PHF20: variants seen among roughly 807,000 people sequenced by gnomAD.
The protein encoded by PHF20 is PHD finger protein 20.
In PHF20, 23 loss-of-function variants were observed where a neutral mutation model predicts 113.5. That is an observed-to-expected ratio of 0.20 (90% CI 0.15 to 0.29). The LOEUF is 0.29. Ranked by LOEUF, PHF20 falls within the 10% of genes least tolerant of loss-of-function variation. The pLI is 1.00. For missense variants in PHF20, 943 were observed against 1,219.6 expected, an observed-to-expected ratio of 0.77 and a Z score of 3.38; for synonymous variants, 434 against 457.3, an observed-to-expected ratio of 0.95 and a Z score of 0.65.
intron 13 of PHF20, among the ~76,000 whole-genome samples, chr20:35,924,192 C>CT (rs767943006): frequency 0.013 from 1,652 of 129,802 alleles, 14 homozygotes; most frequent in Middle Eastern, 0.021. Flanking sequence ...CTTTTCTTTT[C>CT]TTTTTTTTTT....
At chr20:35,928,605 C>T (rs963337001) in intron 14 of PHF20, 1 of 152,200 alleles carries the variant, frequency 6.6e-6, no homozygotes, top group African/African-American at 2.4e-5. Context: ...TGAGTGTCAT[C>T]CTTGTGTAGG....
intron 9 of PHF20, among the ~76,000 whole-genome samples, chr20:35,883,027 C>CAAAAAAAAAAAAA (rs971975145): frequency 1.6e-5 from 1 of 63,486 alleles, no homozygotes; most frequent in Non-Finnish European, 3.3e-5. Flanking sequence ...CACTCTGTCT[C>CAAAAAAAAAAAAA]AAAAAAAAAA....
chr20:35,871,193 A>G (rs2054415247), intron 8 of PHF20, 59 bp downstream of exon 8: 1 of 1,321,426 alleles, frequency 7.6e-7, no homozygotes, highest in Non-Finnish European at 1.1e-6. Flanking sequence ...GTGAGAATCA[A>G]TGTAAATCAT....
chr20:35,790,999 C>G (rs559500296), intron 1 of PHF20, among the ~76,000 whole-genome samples: 10 of 152,122 alleles, frequency 6.6e-5, no homozygotes, highest in Non-Finnish European at 1.3e-4. Context: ...GCTGGAATTA[C>G]AGGCGTGTGC....
At chr20:35,941,153 CTT>C in intron 17 of PHF20, 106 bp downstream of exon 17, 1 of 792,252 alleles carries the variant, frequency 1.3e-6, no homozygotes, top group Non-Finnish European at 2.0e-6. Context: ...CCGCTGTACT[CTT>C]TGCTTCTCTT....
chr20:35,780,849 C>CTTTTT lies in PHF20; in HGVS notation c.-33+8788_-33+8792dup, dbSNP rs61173937. Among the ~76,000 whole-genome samples, 154 of 98,240 alleles carry CTTTTT rather than the reference C, an allele frequency of 1.6e-3. 3 individuals carry two copies. The highest frequency in any genetic ancestry group is 0.015 in the East Asian group (57 of 3,712). The allele number at this position is 98,240 out of a possible 152,430, so 64.4% of individuals were successfully genotyped here. Reference sequence around the variant, plus strand: ...AGACATGAGCCACTGGTGCCTGGCCCTTTTTTTTTTTTTTTTTTTTTTGAG... The same window carrying CTTTTT: ...AGACATGAGCCACTGGTGCCTGGCCCTTTTTTTTTTTTTTTTTTTTTTTTTTTGAG... On this transcript the variant is annotated intron_variant, in intron 1 of 17. Transcript: ENST00000374012.
intron 9 of PHF20, among the ~76,000 whole-genome samples, chr20:35,881,450 C>G (rs1219868826): frequency 6.7e-6 from 1 of 148,918 alleles, no homozygotes; most frequent in Non-Finnish European, 1.5e-5. Flanking sequence ...CTGAGGTGGG[C>G]GAATTGCTTG....
At chr20:35,941,130 G>A in intron 17 of PHF20, 83 bp downstream of exon 17, 1 of 1,097,452 alleles carries the variant, frequency 9.1e-7, no homozygotes, top group Non-Finnish European at 1.3e-6. Flanking sequence ...CCCCCAGTCT[G>A]AGTTTACAGG....
At chr20:35,800,866 TG>T (rs200704184) in intron 1 of PHF20, among the ~76,000 whole-genome samples, 8 of 152,070 alleles carry the variant, frequency 5.3e-5, no homozygotes, top group South Asian at 2.1e-4. Flanking sequence ...TAATTTTTTT[TG>T]TTTTTAAGAG....
chr20:35,833,588 A>T (rs575378179), intron 2 of PHF20, among the ~76,000 whole-genome samples: 1 of 152,202 alleles, frequency 6.6e-6, no homozygotes, highest in Non-Finnish European at 1.5e-5. Context: ...ACATCTGGTG[A>T]ACCTTTATTG....
intron 1 of PHF20, among the ~76,000 whole-genome samples, chr20:35,790,699 C>T (rs1021178054): frequency 1.3e-5 from 2 of 152,158 alleles, no homozygotes; most frequent in African/African-American, 2.4e-5. Context: ...CTGTGTCCCA[C>T]AGCCCCTCTG....
At chr20:35,802,240 T>G (rs2041792955) in intron 2 of PHF20, among the ~76,000 whole-genome samples, 2 of 152,130 alleles carry the variant, frequency 1.3e-5, no homozygotes, top group Non-Finnish European at 2.9e-5. Context: ...GGAAAGACCT[T>G]ATAGACTGTG....
chr20:35,940,491 G>A (rs946558522), intron 16 of PHF20, among the ~76,000 whole-genome samples: 1 of 151,796 alleles, frequency 6.6e-6, no homozygotes, highest in Non-Finnish European at 1.5e-5. Context: ...CACATTCGCA[G>A]GAGATGGAGC....
chr20:35,929,259 GT>G (rs769707117), intron 14 of PHF20, among the ~76,000 whole-genome samples: 14 of 152,240 alleles, frequency 9.2e-5, no homozygotes, highest in Non-Finnish European at 2.1e-4. Flanking sequence ...GATTTTGTTG[GT>G]TGTCTAGGGA....
At chr20:35,858,278 T>C (rs370161093) in intron 4 of PHF20, 24 bp from the exon 5 acceptor site, 24 of 1,260,040 alleles carry the variant, frequency 1.9e-5, no homozygotes, top group Admixed American at 3.6e-5. Context: ...TGAGTTAAAA[T>C]CATGATATCT....
chr20:35,848,089 G>A (rs1457209328), intron 4 of PHF20, among the ~76,000 whole-genome samples: 1 of 152,190 alleles, frequency 6.6e-6, no homozygotes, highest in Non-Finnish European at 1.5e-5. Flanking sequence ...ACTAGGGTGT[G>A]TGTGGTCTCC....
In PHF20 at chr20:35,803,684, A is replaced by ATGTGTGTG. The variant is rs11472633; in HGVS notation, c.83+2093_83+2100dup. On this transcript the variant is annotated intron_variant, in intron 2 of 17. Coordinates refer to ENST00000374012, the MANE Select transcript of PHF20 (RefSeq NM_016436.5). ...CCTTTTTTGGTTTCAGTATATATAT[A>ATGTGTGTG]TGTGTGTGTGTGTGTGTGTGTATAT... Among the ~76,000 whole-genome samples, 899 of 144,366 alleles carry ATGTGTGTG rather than the reference A, an allele frequency of 6.2e-3. 7 individuals are homozygous for ATGTGTGTG. Among genetic ancestry groups the ATGTGTGTG allele is most frequent in the African/African-American group, 0.021 (787 of 36,744 alleles). 94.7% of individuals were successfully genotyped at this position (144,366 alleles called of 152,430 possible).
chr20:35,785,947 G>A (rs569678115), intron 1 of PHF20, among the ~76,000 whole-genome samples: 8 of 149,616 alleles, frequency 5.3e-5, no homozygotes, highest in Admixed American at 3.3e-4. Context: ...CAGGAGAATC[G>A]CTTGAACCCG....
intron 1 of PHF20, among the ~76,000 whole-genome samples, chr20:35,774,106 A>G (rs1369348613): frequency 2.7e-5 from 4 of 149,518 alleles, no homozygotes; most frequent in Non-Finnish European, 5.9e-5. Context: ...TTTTTGAGAC[A>G]GAGTCTCGCT....
Sources: allele counts gnomAD v4.1 joint callset (sites outside exome capture counted in the v4.1 genomes callset), GRCh38; gene constraint gnomAD v4.1.1; transcripts MANE v1.5; gene names NCBI Gene and HGNC (gene_info 2026-07-23, HGNC 2026-07-21).